The following DHRS12 variants were observed in gnomAD, a reference collection of about 807,000 sequenced individuals.
The protein encoded by DHRS12 is dehydrogenase/reductase 12, also known as dehydrogenase/reductase SDR family member 12.
In DHRS12, 29 loss-of-function variants were observed where a neutral mutation model predicts 32.1. The ratio of observed to expected loss-of-function variants is 0.90; its 90% CI spans 0.67 to 1.23. The LOEUF is 1.23. DHRS12 is among the 50% of genes most tolerant of loss of function. The probability of loss-of-function intolerance (pLI) is 0.00; values close to 1 mark genes in which losing one functional copy is unlikely to be tolerated. For missense variants in DHRS12, 330 were observed against 337.2 expected (o/e 0.98, Z 0.17); for synonymous variants, 150 against 135.9 (o/e 1.10, Z -0.72).
intron 4 of DHRS12, among the ~76,000 whole-genome samples, chr13:51,789,073 A>G (rs1212181732): frequency 6.6e-6 from 1 of 152,170 alleles, no homozygotes; most frequent in Non-Finnish European, 1.5e-5. Context: ...CAGTAACAAC[A>G]GTGATATGTT....
chr13:51,759,823 A>T, the DHRS12 span: 2 of 1,104,546 alleles, frequency 1.8e-6, no homozygotes, highest in African/African-American at 2.9e-5. Flanking sequence ...GGTTGTTTTA[A>T]CCCAAATCAT....
intron 4 of DHRS12, among the ~76,000 whole-genome samples, chr13:51,779,721 A>G (rs1445784911): frequency 6.6e-6 from 1 of 152,098 alleles, no homozygotes; most frequent in Non-Finnish European, 1.5e-5. Flanking sequence ...TCTGCCATTG[A>G]GTTCTGTGAG....
At chr13:51,789,623 C>A (rs59996954) in intron 4 of DHRS12, 3 of 985,310 alleles carry the variant, frequency 3.0e-6, no homozygotes, top group South Asian at 4.7e-5. Context: ...CTAGCCAATG[C>A]GCTTCTTGGT....
At chr13:51,768,440 G>T (rs1953852112) in intron 8 of DHRS12, 144 bp from the exon 9 acceptor site, 1 of 1,455,250 alleles carries the variant, frequency 6.9e-7, no homozygotes, top group African/African-American at 1.4e-5. Context: ...TGCTGTCAAA[G>T]GTCCCACAGG....
chr13:51,802,169 TCACACACACACACACACACA>T (rs56270918), intron 1 of DHRS12, among the ~76,000 whole-genome samples: 163 of 139,870 alleles, frequency 1.2e-3, no homozygotes, highest in African/African-American at 1.5e-3. Flanking sequence ...TCTCTATTTT[TCACACACACACACACACACA>T]CACACACACA....
chr13:51,764,921 TTCTAG>T (rs1188874697), downstream of DHRS12: 2 of 151,958 alleles, frequency 1.3e-5, no homozygotes, highest in African/African-American at 2.4e-5. Context: ...GAGAGGATTG[TTCTAG>T]TCAAGTGTGG....
intron 1 of DHRS12, among the ~76,000 whole-genome samples, chr13:51,802,098 C>T (rs1955782266): frequency 2.0e-5 from 3 of 152,000 alleles, no homozygotes; most frequent in African/African-American, 7.3e-5. Flanking sequence ...CTTTTATGTA[C>T]TCTGCCCCTT....
At chr13:51,771,755 C>A (rs1159724460) in intron 7 of DHRS12, 66 bp downstream of exon 7, 2 of 1,572,550 alleles carry the variant, frequency 1.3e-6, no homozygotes, top group East Asian at 4.5e-5. Flanking sequence ...GAGAGTCAAT[C>A]CTGCGGCTGC....
the DHRS12 span, chr13:51,760,623 A>G: frequency 8.5e-5 from 13 of 152,312 alleles, no homozygotes; most frequent in African/African-American, 3.1e-4. Context: ...ACTCGTAACA[A>G]TGAAAACAAA....
chr13:51,780,431 C>T (rs1317951538), intron 4 of DHRS12, among the ~76,000 whole-genome samples: 2 of 152,166 alleles, frequency 1.3e-5, no homozygotes, highest in African/African-American at 2.4e-5. Context: ...GGAGGGAAGG[C>T]ACCTTCAGCT....
intron 2 of DHRS12, among the ~76,000 whole-genome samples, chr13:51,795,377 GTAA>G (rs773244198): frequency 6.6e-6 from 1 of 152,182 alleles, no homozygotes; most frequent in Admixed American, 6.5e-5. Context: ...GTTGGGAGTG[GTAA>G]TAATATTAGT....
chr13:51,776,090 A>ATGGTT (rs1566281386), intron 5 of DHRS12: 2 of 86,116 alleles, frequency 2.3e-5, no homozygotes, highest in Non-Finnish European at 2.3e-5. Flanking sequence ...GTATTCTCCT[A>ATGGTT]CATGTATTCT....
At chr13:51,784,712 C>T (rs778875158) in intron 4 of DHRS12, among the ~76,000 whole-genome samples, 6 of 152,218 alleles carry the variant, frequency 3.9e-5, no homozygotes, top group African/African-American at 1.4e-4. Flanking sequence ...TGGCACCAAA[C>T]GCGTGCCCTG....
downstream of DHRS12, chr13:51,765,455 AAC>A (rs1275711770): frequency 1.3e-5 from 2 of 152,204 alleles, no homozygotes; most frequent in African/African-American, 2.4e-5. Context: ...GAATTTTTTT[AAC>A]ACACAGTGTA....
rs768307703 is a variant in DHRS12, at chr13:51,771,838, C to T, written c.542G>A (p.Gly181Asp). ...PAIHFSSMHP[G>D]WADTPGVRQA... ...TGACATACCTGGGGTGTCGGCCCAG[C>T]CAGGATGCATGGAAGAAAAATGGAT... The change falls in exon 7 of 9, where the codon GGC (glycine) becomes GAC (aspartate). Residue 181 changes from glycine (G) to aspartate (D), a missense_variant. By Grantham distance (94) the Gly-to-Asp change is moderately conservative (BLOSUM62 -1). Coordinates refer to ENST00000444610, the MANE Select transcript of DHRS12 (RefSeq NM_001377533.1). 1 of 1,614,098 alleles carries T rather than the reference C, an allele frequency of 6.2e-7. No homozygotes were observed. Among genetic ancestry groups the T allele is most frequent in the Admixed American group, 1.7e-5 (1 of 60,002 alleles).
the DHRS12 span, among the ~76,000 whole-genome samples, chr13:51,758,726 A>G: frequency 2.0e-5 from 3 of 152,166 alleles, no homozygotes; most frequent in Non-Finnish European, 4.4e-5. Flanking sequence ...AAAGACTGTA[A>G]TAGGTCACAT....
rs561328657 is a variant in DHRS12 at position 51,781,655 on chromosome 13, AGGG to A, written c.302-4537_302-4535del. 2.2e-3 allele frequency among the ~76,000 whole-genome samples: 334 copies of A among 152,268 alleles called. 2 individuals carry two copies. The highest frequency in any genetic ancestry group is 7.1e-3 in the African/African-American group (296 of 41,556). On this transcript the variant is annotated intron_variant, in intron 4 of 8. Transcript: ENST00000444610. ...AGGTAGAGGGCTGGGGATGGGAAGA[AGGG>A]CTGCAGGTATGGAGCACAGCCTGTG...
downstream of DHRS12, chr13:51,765,708 A>C (rs979116432): frequency 6.6e-6 from 1 of 152,152 alleles, no homozygotes; most frequent in Non-Finnish European, 1.5e-5. Context: ...TGCTTTCTGG[A>C]CTTTTTCCAT....
rs1382066250 is a variant in DHRS12, at chr13:51,782,737, C to T, written c.302-5616G>A. Among the ~76,000 whole-genome samples the T allele has an allele frequency of 4.6e-5, 7 of 152,176 alleles. No individual in the cohort carries two copies. In the South Asian group the frequency reaches 8.3e-4, roughly 18 times the overall value. The stretch of plus-strand genomic sequence containing the variant: ...TCACTGAGATGTATGAAAGAACCTG[C>T]TGTACTGCAGGGAGAACCCGAGTAT... On this transcript the variant is annotated intron_variant, in intron 4 of 8. Coordinates refer to ENST00000444610, the MANE Select transcript of DHRS12 (RefSeq NM_001377533.1). This position sits in a 1 kb window ranked among gnomAD's most constrained non-coding sequence, Gnocchi z 4.2.
Sources: allele counts gnomAD v4.1 joint callset (sites outside exome capture counted in the v4.1 genomes callset), GRCh38; gene constraint gnomAD v4.1.1; non-coding constraint Gnocchi (gnomAD v3.1); transcripts MANE v1.5; gene names NCBI Gene and HGNC (gene_info 2026-07-23, HGNC 2026-07-21).